Variants in MED12L observed in about 807,000 individuals in gnomAD.
The protein encoded by MED12L is mediator of RNA polymerase II transcription subunit 12-like protein.
A neutral mutation model predicts 281.3 loss-of-function variants in MED12L; 60 were observed. The ratio of observed to expected loss-of-function variants is 0.21; its 90% confidence interval spans 0.17 to 0.26. The LOEUF (loss-of-function observed/expected upper bound fraction) is 0.26. Ranked by LOEUF, MED12L falls within the 10% of genes least tolerant of loss-of-function variation. MED12L has a pLI of 1.00. For synonymous variants in MED12L, 974 were observed against 987.2 expected (o/e 0.99, Z 0.25); for missense variants, 2,146 against 2,680.9 (o/e 0.80, Z 4.41).
At chr3:151,145,469 T>A (rs1717635359) in intron 5 of MED12L, among the ~76,000 whole-genome samples, 1 of 152,226 alleles carries the variant, frequency 6.6e-6, no homozygotes, top group Non-Finnish European at 1.5e-5. Context: ...ACCTGCTCCT[T>A]AACATATTTT....
intron 16 of MED12L, among the ~76,000 whole-genome samples, chr3:151,341,015 T>C (rs1751751938): frequency 6.6e-6 from 1 of 152,318 alleles, no homozygotes; most frequent in Admixed American, 6.5e-5. Flanking sequence ...TTATTTTCTA[T>C]GCAAATGATA....
intron 8 of MED12L, 103 bp downstream of exon 8, chr3:151,160,204 G>GT: frequency 9.1e-7 from 1 of 1,102,200 alleles, no homozygotes; most frequent in Non-Finnish European, 1.3e-6. Flanking sequence ...TACAACTCTA[G>GT]TTTTTTCCTC....
rs373231688 is a variant in MED12L at position 151,346,465 on chromosome 3, C to T, written c.2251-3594C>T. Among the ~76,000 whole-genome samples the T allele has an allele frequency of 4.6e-5, 7 of 152,230 alleles. No homozygotes were observed. In the South Asian group the frequency reaches 6.2e-4, roughly 14 times the overall value. On this transcript the variant is annotated intron_variant, in intron 16 of 44. Coordinates refer to ENST00000687756, the MANE Select transcript of MED12L (RefSeq NM_001393769.1). Reference sequence around the variant, plus strand: ...TTTCATCATCACCTCTTACTTTAACCGCTTGTTTCTTAGCTTTGTGCCCTG... The same window carrying T: ...TTTCATCATCACCTCTTACTTTAACTGCTTGTTTCTTAGCTTTGTGCCCTG...
intron 4 of MED12L, among the ~76,000 whole-genome samples, chr3:151,126,985 T>TGCTCTCATC (rs901388690): frequency 6.6e-6 from 1 of 152,174 alleles, no homozygotes; most frequent in Non-Finnish European, 1.5e-5. Flanking sequence ...TCAGTCTCAT[T>TGCTCTCATC]GCTCTCATCC....
intron 16 of MED12L, chr3:151,241,691 A>C (rs574921879): frequency 6.6e-6 from 1 of 152,176 alleles, no homozygotes; most frequent in East Asian, 1.9e-4. Context: ...ACACACATAC[A>C]TAATTTTTTT....
At chr3:151,328,303 TTTG>T (rs1249263069) in intron 16 of MED12L, 2 of 1,613,858 alleles carry the variant, frequency 1.2e-6, no homozygotes, top group African/African-American at 1.3e-5. Flanking sequence ...CTTCCAGCTT[TTTG>T]TTGTTTTTTC....
intron 16 of MED12L, among the ~76,000 whole-genome samples, chr3:151,261,007 G>T: frequency 6.6e-6 from 1 of 152,038 alleles, no homozygotes; most frequent in Admixed American, 6.6e-5. Flanking sequence ...TGTGTTGCAG[G>T]GCAAGCATGG....
Position 151,365,180 on chromosome 3 carries a change from A to G in MED12L, c.3159A>G (p.Val1053=), listed in dbSNP as rs755831654. ...YSFVCNTLMN[V]CMGHQDAGRI... ...TTGTCTGCAATACACTCATGAATGT[A>G]TGTATGGGCCATCAGGATGCTGGCA... Residue 1053 remains valine (V), a synonymous_variant, in exon 22 of 45, where the codon GTA becomes GTG. Transcript: ENST00000687756. The G allele has an allele frequency of 3.7e-5, 59 of 1,613,880 alleles. No individual in the cohort carries two copies. The highest frequency in any genetic ancestry group is 4.3e-5 in the Non-Finnish European group (51 of 1,179,880).
At chr3:151,261,349 T>C (rs1011077978) in intron 16 of MED12L, 1 of 152,114 alleles carries the variant, frequency 6.6e-6, no homozygotes, top group Non-Finnish European at 1.5e-5. Context: ...AATATGATAA[T>C]ATTTGCAGGA....
chr3:151,112,987 A>G (rs1387539909), intron 2 of MED12L, among the ~76,000 whole-genome samples: 1 of 152,226 alleles, frequency 6.6e-6, no homozygotes, highest in African/African-American at 2.4e-5. Context: ...TGTCAACAAA[A>G]TAAAGATCCC....
chr3:151,257,355 A>T (rs1273738885), intron 16 of MED12L, among the ~76,000 whole-genome samples: 2 of 152,186 alleles, frequency 1.3e-5, no homozygotes, highest in African/African-American at 4.8e-5. Context: ...CTGTTTTTTT[A>T]AATTGTTTAT....
intron 16 of MED12L, among the ~76,000 whole-genome samples, chr3:151,257,238 C>G (rs1737987346): frequency 6.6e-6 from 1 of 152,188 alleles, no homozygotes; most frequent in African/African-American, 2.4e-5. Flanking sequence ...CAGTGTAATT[C>G]TCAGTTTACT....
chr3:151,359,845 C>T (rs566525594), intron 20 of MED12L, among the ~76,000 whole-genome samples: 1 of 152,194 alleles, frequency 6.6e-6, no homozygotes, highest in East Asian at 1.9e-4. Context: ...GTATGGACTT[C>T]TGTGTTGTAT....
At chr3:151,303,861 G>C (rs528748552) in intron 16 of MED12L, among the ~76,000 whole-genome samples, 8 of 152,178 alleles carry the variant, frequency 5.3e-5, no homozygotes, top group Non-Finnish European at 7.3e-5. Context: ...TAGGGTGAGG[G>C]GAGTGCCTGA....
At chr3:151,382,166 T>C (rs1214541974) in intron 32 of MED12L, among the ~76,000 whole-genome samples, 1 of 152,128 alleles carries the variant, frequency 6.6e-6, no homozygotes, top group African/African-American at 2.4e-5. Flanking sequence ...ATGCCATATT[T>C]TTCAAAGTAC....
In MED12L at chr3:151,436,611, A is replaced by G; in HGVS notation, c.*3807A>G. The G allele has an allele frequency of 1.0e-6, 1 of 958,068 alleles. No homozygotes were observed. Among genetic ancestry groups the G allele is most frequent in the Non-Finnish European group, 1.6e-6 (1 of 629,996 alleles). The allele number at this position is 958,068 out of a possible 1,614,324, so 59.3% of individuals were successfully genotyped here. ...TGTAAATGTATTCAAATTCATTTAC[A>G]TGCCTATGGCTGCCTTTGATTAAAC... On this transcript the variant is annotated 3_prime_UTR_variant, in exon 45 of 45. Coordinates refer to ENST00000687756, the MANE Select transcript of MED12L (RefSeq NM_001393769.1).
At chr3:151,395,060 T>G (rs1178675733) in intron 39 of MED12L, among the ~76,000 whole-genome samples, 193 bp downstream of exon 39, 1 of 152,212 alleles carries the variant, frequency 6.6e-6, no homozygotes, top group Non-Finnish European at 1.5e-5. Context: ...ATTGCTCAAA[T>G]AAGAATTTGA....
At chr3:151,256,828 T>TC (rs397954176) in intron 16 of MED12L, among the ~76,000 whole-genome samples, 5 of 151,504 alleles carry the variant, frequency 3.3e-5, no homozygotes, top group Non-Finnish European at 7.4e-5. Flanking sequence ...TTTTTTTTTT[T>TC]CTTGGTGGGA....
At chr3:151,251,022 C>A (rs148006040) in intron 16 of MED12L, among the ~76,000 whole-genome samples, 22 of 152,170 alleles carry the variant, frequency 1.4e-4, no homozygotes, top group Admixed American at 1.2e-3. Flanking sequence ...TGATGATTCT[C>A]TCTGTGGTAC....
Sources: allele counts gnomAD v4.1 joint callset (sites outside exome capture counted in the v4.1 genomes callset), GRCh38; gene constraint gnomAD v4.1.1; transcripts MANE v1.5; gene names NCBI Gene and HGNC (gene_info 2026-07-23, HGNC 2026-07-21).